Variants in CPLANE1 observed in about 807,000 individuals in gnomAD.
The protein encoded by CPLANE1 is ciliogenesis and planar polarity effector complex subunit 1.
Under a neutral mutation model 362.5 loss-of-function variants are expected in CPLANE1, and 263 were observed. That is an observed-to-expected ratio of 0.73 (90% CI 0.66 to 0.80). The LOEUF is 0.80. Ranked by LOEUF, CPLANE1 falls within the 30% of genes least tolerant of loss-of-function variation. The pLI is 0.00. For synonymous variants in CPLANE1, 1,212 were observed against 1,302.6 expected (o/e 0.93, Z 1.50); for missense variants, 3,461 against 3,793.4 (o/e 0.91, Z 2.30).
chr5:37,221,553 C>A, intron 14 of CPLANE1, 65 bp from the exon 15 acceptor site: 1 of 1,110,026 alleles, frequency 9.0e-7, no homozygotes, highest in South Asian at 2.3e-5. Context: ...GTGTAGTGCT[C>A]AATTGACGGG....
Position 37,187,060 on chromosome 5 carries a change from C to CAAAAAAAAAAAAAA in CPLANE1, c.4080+340_4080+353dup, listed in dbSNP as rs61112118. Among the ~76,000 whole-genome samples the CAAAAAAAAAAAAAA allele has an allele frequency of 1.1e-3, 55 of 50,404 alleles. 7 individuals carry two copies. Among genetic ancestry groups the CAAAAAAAAAAAAAA allele is most frequent in the African/African-American group, 3.7e-3 (41 of 11,002 alleles). 33.1% of individuals were successfully genotyped at this position (50,404 alleles called of 152,430 possible). A position where few individuals can be genotyped will look rare whatever the true frequency, so the allele number is the denominator to read the frequency against. On this transcript the variant is annotated intron_variant, in intron 23 of 52. Transcript: ENST00000651892. ...TGGGTGACAGAGCGAGACTCCGTCT[C>CAAAAAAAAAAAAAA]AAAAAAAAAAAAAAAAAAAAAAAAA...
chr5:37,213,455 G>T, intron 16 of CPLANE1, 104 bp downstream of exon 16: 1 of 690,924 alleles, frequency 1.4e-6, no homozygotes, highest in Non-Finnish European at 2.2e-6. Context: ...CAGATACTAT[G>T]CTAGAACAGT....
intron 19 of CPLANE1, among the ~76,000 whole-genome samples, chr5:37,200,555 A>T (rs1788856010): frequency 6.6e-6 from 1 of 152,220 alleles, no homozygotes. Flanking sequence ...AAAAAACTAG[A>T]GGTAGAAGTC....
chr5:37,085,019 C>T, the CPLANE1 span: 8 of 624,130 alleles, frequency 1.3e-5, no homozygotes, highest in South Asian at 1.3e-4. Flanking sequence ...CTTACACACA[C>T]CGGAAGAGAG....
rs755561310 is a variant in CPLANE1, at chr5:37,201,823, A to T, written c.3290-15T>A. 1 of 1,560,486 alleles carries T rather than the reference A, an allele frequency of 6.4e-7. No individual in the cohort carries two copies. Among genetic ancestry groups the T allele is most frequent in the Non-Finnish European group, 8.8e-7 (1 of 1,141,456 alleles). On this transcript the variant is annotated splice_polypyrimidine_tract_variant and intron_variant, in intron 18 of 52. Transcript: ENST00000651892. ...TTCAATGGGATCTATCAAATACAAAAATTTGGTAAAATAGTTAAAGCTTGT... is the reference window on the plus strand; with the variant it reads ...TTCAATGGGATCTATCAAATACAAATATTTGGTAAAATAGTTAAAGCTTGT...
Position 37,198,829 on chromosome 5 carries a change from T to A in CPLANE1, c.3545A>T (p.Asn1182Ile), listed in dbSNP as rs768254433. ...GATTCCAGATACCTTCTGGCGATTA[T>A]TTTTTTCAGCTTTTAAAAGAAGATC... ...GDDLLLKAEKNNRQKVSGILQ... is the reference protein window; with the variant it reads ...GDDLLLKAEKINRQKVSGILQ... Residue 1182 changes from asparagine (N) to isoleucine (I), a missense_variant, in exon 20 of 53, where the codon AAT becomes ATT. Asn to Ile is a moderately radical substitution (Grantham distance 149). Coordinates refer to ENST00000651892, the MANE Select transcript of CPLANE1 (RefSeq NM_001384732.1). 6.2e-7 allele frequency: 1 copy of A among 1,613,720 alleles called. No individual in the cohort carries two copies. The highest frequency in any genetic ancestry group is 8.5e-7 in the Non-Finnish European group (1 of 1,179,734).
In CPLANE1 at chr5:37,206,126, C is replaced by A. The variant is rs188942939; in HGVS notation, c.3149+71G>T. 1,535 of 1,003,342 alleles carry A rather than the reference C, an allele frequency of 1.5e-3. 12 individuals are homozygous for A. The African/African-American group carries it at 0.022, about 14-fold the overall frequency. 62.2% of individuals were successfully genotyped at this position (1,003,342 alleles called of 1,614,324 possible). A position where few individuals can be genotyped will look rare whatever the true frequency, so the allele number is the denominator to read the frequency against. The stretch of plus-strand genomic sequence containing the variant: ...AAGGATTCCACATAAAATGTAAATA[C>A]CAGCAATAAGAGAAATATAAAATAC... On this transcript the variant is annotated intron_variant, in intron 17 of 52. Coordinates refer to ENST00000651892, the MANE Select transcript of CPLANE1 (RefSeq NM_001384732.1).
At chr5:37,211,081 T>A (rs939406243) in intron 16 of CPLANE1, 1 of 909,306 alleles carries the variant, frequency 1.1e-6, no homozygotes, top group Middle Eastern at 2.1e-4. Context: ...GCCAATGGAT[T>A]AATAAATGGC....
At chr5:37,211,080 T>TTAA (rs1481332579) in intron 16 of CPLANE1, 1 of 907,386 alleles carries the variant, frequency 1.1e-6, no homozygotes, top group African/African-American at 1.6e-5. Context: ...TGCCAATGGA[T>TTAA]TAATAAATGG....
In CPLANE1 at chr5:37,209,015, G is replaced by A. The variant is rs1217608562; in HGVS notation, c.2921-2590C>T. Reference sequence around the variant, plus strand: ...CAGAACGGGAAGGCTGTACTGAGCCGGTCTCGGGAGACGAAGGATGGGATG... The same window carrying A: ...CAGAACGGGAAGGCTGTACTGAGCCAGTCTCGGGAGACGAAGGATGGGATG... On this transcript the variant is annotated intron_variant, in intron 16 of 52. Transcript: ENST00000651892. The surrounding 1 kb of genome is among the most constrained non-coding windows in gnomAD (Gnocchi z 4.6). 1.3e-5 allele frequency among the ~76,000 whole-genome samples: 2 copies of A among 152,040 alleles called. No homozygotes were observed. Among genetic ancestry groups the A allele is most frequent in the Non-Finnish European group, 2.9e-5 (2 of 68,014 alleles).
At chr5:37,088,993 C>G in the CPLANE1 span, among the ~76,000 whole-genome samples, 5 of 151,998 alleles carry the variant, frequency 3.3e-5, no homozygotes, top group Admixed American at 2.0e-4. Context: ...TTTTATCATA[C>G]TGGGTCCCCA....
At chr5:37,241,182 G>A (rs1800354083) in intron 6 of CPLANE1, among the ~76,000 whole-genome samples, 1 of 151,986 alleles carries the variant, frequency 6.6e-6, no homozygotes, top group South Asian at 2.1e-4. Context: ...GGCCAGGCAT[G>A]GTGGCTAATG....
intron 35 of CPLANE1, 136 bp downstream of exon 35, chr5:37,166,911 C>A: frequency 1.5e-6 from 1 of 649,916 alleles, no homozygotes; most frequent in Non-Finnish European, 2.6e-6. Flanking sequence ...TTTTCAGATG[C>A]ATGACACTTG....
At chr5:37,151,831 T>C (rs1052989749) in intron 42 of CPLANE1, among the ~76,000 whole-genome samples, 5 of 152,086 alleles carry the variant, frequency 3.3e-5, no homozygotes, top group African/African-American at 1.2e-4. Flanking sequence ...GGAGGATCAC[T>C]TGGGCCCAGG....
chr5:37,079,255 T>C, the CPLANE1 span, among the ~76,000 whole-genome samples: 2 of 152,188 alleles, frequency 1.3e-5, no homozygotes, highest in South Asian at 2.1e-4. Flanking sequence ...GGGTTCAGTT[T>C]CAATTTTCTG....
chr5:37,246,038 T>C (rs1350606929), intron 2 of CPLANE1, 193 bp from the exon 3 acceptor site: 4 of 395,520 alleles, frequency 1.0e-5, no homozygotes, highest in Non-Finnish European at 1.7e-5. Context: ...AAATACCTCG[T>C]TAGAATTAAT....
intron 46 of CPLANE1, among the ~76,000 whole-genome samples, chr5:37,131,537 T>A (rs544373351): frequency 4.1e-4 from 61 of 149,710 alleles, no homozygotes; most frequent in East Asian, 2.1e-3. Flanking sequence ...TAAAAAAAAA[T>A]TTTTTTTTTT....
Position 37,162,420 on chromosome 5 carries a change from G to T in CPLANE1, c.7690+45C>A, listed in dbSNP as rs776727178. 5 of 1,196,172 alleles carry T rather than the reference G, an allele frequency of 4.2e-6. No individual in the cohort carries two copies. In the South Asian group the frequency reaches 6.4e-5, roughly 15 times the overall value. 74.1% of individuals were successfully genotyped at this position (1,196,172 alleles called of 1,614,324 possible). ...AAGGAAAAGTCTAGATAACTTAATT[G>T]TATCAAAATATATGAATTTTTTTAA... On this transcript the variant is annotated intron_variant, in intron 38 of 52. Coordinates refer to ENST00000651892, the MANE Select transcript of CPLANE1 (RefSeq NM_001384732.1).
At chr5:37,206,999 T>A (rs1790946258) in intron 16 of CPLANE1, among the ~76,000 whole-genome samples, 1 of 152,160 alleles carries the variant, frequency 6.6e-6, no homozygotes, top group Non-Finnish European at 1.5e-5. Context: ...TCAATATTAG[T>A]GTTGATTACA....
Sources: allele counts gnomAD v4.1 joint callset (sites outside exome capture counted in the v4.1 genomes callset), GRCh38; gene constraint gnomAD v4.1.1; non-coding constraint Gnocchi (gnomAD v3.1); transcripts MANE v1.5; gene names NCBI Gene and HGNC (gene_info 2026-07-23, HGNC 2026-07-21).